BTN3A1: variants seen among roughly 807,000 people sequenced by gnomAD.
BTN3A1 encodes the protein dJ45P21.3 (butyrophilin, subfamily 3, member A1).
BTN3A1 carries 24 observed loss-of-function variants against 43.0 expected under a neutral mutation model. The ratio of observed to expected loss-of-function variants is 0.56; its 90% CI spans 0.40 to 0.78. BTN3A1 has a LOEUF of 0.78. Ranked by LOEUF, BTN3A1 falls within the 30% of genes least tolerant of loss-of-function variation. The pLI is 0.00. For synonymous variants in BTN3A1, 181 were observed against 234.7 expected (o/e 0.77, Z 2.09); for missense variants, 533 against 626.2 (o/e 0.85, Z 1.59).
intron 9 of BTN3A1, chr6:26,412,227 A>G: frequency 1.8e-6 from 1 of 570,832 alleles, no homozygotes; most frequent in Non-Finnish European, 3.2e-6. Context: ...CTCCACTCCT[A>G]CACTGGGACG....
rs1213974902 is a variant in BTN3A1 at position 26,413,359 on chromosome 6, C to T, written c.1209C>T (p.Asp403=). Residue 403 remains aspartate, a synonymous_variant, in exon 10 of 10, where the codon GAC becomes GAT. Transcript: ENST00000289361. Reference sequence around the variant, plus strand: ...ATTACTGGGAGGTGGAGGTAGGGGACAGGAAAGAGTGGCATATAGGGGTGT... The same window carrying T: ...ATTACTGGGAGGTGGAGGTAGGGGATAGGAAAGAGTGGCATATAGGGGTGT... ...GRHYWEVEVG[D]RKEWHIGVCS... 2 of 1,613,918 alleles carry T rather than the reference C, an allele frequency of 1.2e-6. No homozygotes were observed. The highest frequency in any genetic ancestry group is 1.1e-5 in the South Asian group (1 of 91,084).
At chr6:26,411,021 AAAG>A in intron 7 of BTN3A1, 85 bp from the exon 8 acceptor site, 13 of 1,146,082 alleles carry the variant, frequency 1.1e-5, no homozygotes, top group Non-Finnish European at 1.6e-5. Context: ...AAAAAAAAAA[AAAG>A]ATTAGATGGA....
intron 2 of BTN3A1, 73 bp downstream of exon 2, chr6:26,405,721 C>A (rs878958419): frequency 6.3e-7 from 1 of 1,589,656 alleles, no homozygotes; most frequent in African/African-American, 1.3e-5. Flanking sequence ...CTTTTGACTC[C>A]TTCCCAAACC....
At chr6:26,407,540 A>G in intron 3 of BTN3A1, 131 bp from the exon 4 acceptor site, 1 of 1,176,676 alleles carries the variant, frequency 8.5e-7, no homozygotes, top group Non-Finnish European at 1.2e-6. Flanking sequence ...CCTCACTAGG[A>G]CCACACTTTT....
rs184245591 is a variant in BTN3A1 at position 26,405,845 on chromosome 6, C to G, written c.86-64C>G. On this transcript the variant is annotated intron_variant, in intron 2 of 9. Transcript: ENST00000289361. The stretch of plus-strand genomic sequence containing the variant: ...TATCTCGCCTTCCCTGTCTGAGAAG[C>G]ACCCTTCCTCTCATGACCCCAACTC... 1.1e-3 allele frequency: 1,792 copies of G among 1,611,354 alleles called. 7 individuals carry two copies. Among genetic ancestry groups the G allele is most frequent in the East Asian group, 3.1e-3 (138 of 44,868 alleles).
Position 26,413,216 on chromosome 6 carries a change from T to G in BTN3A1, c.1066T>G (p.Ser356Ala). The change falls in exon 10 of 10, where the codon TCT (serine) becomes GCT (alanine). Residue 356 changes from serine to alanine, a missense_variant. This residue lies in a region of BTN3A1 where 415 missense variants were observed against 427.0 expected (regional missense o/e 0.97). Coordinates refer to ENST00000289361, the MANE Select transcript of BTN3A1 (RefSeq NM_007048.6). ...AACAGCAAACCCCATCCTCCTTGTT[T>G]CTGAGGACCAGAGGAGTGTGCAGCG... ...PKTANPILLVSEDQRSVQRAK... is the reference protein window; with the variant it reads ...PKTANPILLVAEDQRSVQRAK... The G allele has an allele frequency of 6.2e-7, 1 of 1,614,142 alleles. No individual in the cohort carries two copies. The highest frequency in any genetic ancestry group is 8.5e-7 in the Non-Finnish European group (1 of 1,180,014).
chr6:26,404,327 C>T (rs1274421824), intron 1 of BTN3A1: 1 of 152,104 alleles, frequency 6.6e-6, no homozygotes, highest in African/African-American at 2.4e-5. Flanking sequence ...TAAAGCATTC[C>T]AATATTTTAA....
chr6:26,411,213 T>C, intron 8 of BTN3A1, 78 bp downstream of exon 8: 1 of 1,514,460 alleles, frequency 6.6e-7, no homozygotes, highest in African/African-American at 1.4e-5. Context: ...CTGTGACCCA[T>C]TGATGTTCTC....
intron 3 of BTN3A1, among the ~76,000 whole-genome samples, chr6:26,406,803 T>C (rs1276291012): frequency 6.6e-6 from 1 of 152,198 alleles, no homozygotes; most frequent in African/African-American, 2.4e-5. Flanking sequence ...ACTTAGTATA[T>C]AATTTGGGCT....
Position 26,410,005 on chromosome 6 carries a change from G to C in BTN3A1, c.938-1G>C. On this transcript the variant is annotated splice_acceptor_variant, in intron 6 of 9. Transcript: ENST00000289361. LOFTEE classifies it high-confidence loss of function. Reference sequence around the variant, plus strand: ...ATCTTCCCCTGTTCCTTCCGTTGCAGGATGGAGAAGTATCCAGTATGCATC... The same window carrying C: ...ATCTTCCCCTGTTCCTTCCGTTGCACGATGGAGAAGTATCCAGTATGCATC... 6.2e-7 allele frequency: 1 copy of C among 1,614,152 alleles called. No homozygotes were observed. The highest frequency in any genetic ancestry group is 8.5e-7 in the Non-Finnish European group (1 of 1,180,038).
chr6:26,411,606 T>C, intron 9 of BTN3A1, 25 bp downstream of exon 9: 1 of 1,609,120 alleles, frequency 6.2e-7, no homozygotes, highest in Non-Finnish European at 8.5e-7. Flanking sequence ...GTGTGTTCCC[T>C]GGACCAACAA....
chr6:26,405,721 C>T lies in BTN3A1; in HGVS notation c.85+73C>T, dbSNP rs878958419. On this transcript the variant is annotated intron_variant, in intron 2 of 9. Transcript: ENST00000289361. ...TATGTCCTCATAGGACTTTTGACTCCTTCCCAAACCTGAAGTCCATCCCGA... is the reference window on the plus strand; with the variant it reads ...TATGTCCTCATAGGACTTTTGACTCTTTCCCAAACCTGAAGTCCATCCCGA... 21 of 1,589,656 alleles carry T rather than the reference C, an allele frequency of 1.3e-5. 1 individual carries two copies. The South Asian group carries it at 2.1e-4, about 16-fold the overall frequency.
intron 4 of BTN3A1, among the ~76,000 whole-genome samples, chr6:26,409,128 A>G (rs1028019496): frequency 3.5e-5 from 5 of 142,574 alleles, no homozygotes; most frequent in African/African-American, 1.3e-4. Context: ...GTTCTTAAGC[A>G]TCATATTAAG....
At position 26,413,652 on chromosome 6, in the gene BTN3A1, T is replaced by C. The variant is rs779371964; in HGVS notation, c.1502T>C (p.Leu501Ser). 6.2e-7 allele frequency: 1 copy of C among 1,613,776 alleles called. No individual in the cohort carries two copies. The highest frequency in any genetic ancestry group is 1.3e-5 in the African/African-American group (1 of 74,874). Residue 501 changes from leucine to serine, a missense_variant, in exon 10 of 10, where the codon TTG (leucine) becomes TCG (serine). Physicochemically the swap from Leu to Ser is moderately radical, Grantham distance 145. Coordinates refer to ENST00000289361, the MANE Select transcript of BTN3A1 (RefSeq NM_007048.6). Reference protein sequence around the residue: ...SEALYPVFRILTLEPTALTIC... With the variant: ...SEALYPVFRISTLEPTALTIC... Reference sequence around the variant, plus strand: ...GCTCTATATCCTGTTTTCAGAATTTTGACCTTGGAGCCCACGGCCCTGACT... The same window carrying C: ...GCTCTATATCCTGTTTTCAGAATTTCGACCTTGGAGCCCACGGCCCTGACT...
chr6:26,408,761 A>T (rs1046589920), intron 4 of BTN3A1, among the ~76,000 whole-genome samples: 44 of 152,248 alleles, frequency 2.9e-4, no homozygotes, highest in African/African-American at 6.5e-4. Context: ...CATGCAATGG[A>T]TACCACTCAA....
rs1001601096 is a variant in BTN3A1, at chr6:26,405,504, C to T, written c.-60C>T. On this transcript the variant is annotated 5_prime_UTR_variant, in exon 2 of 10. Coordinates refer to ENST00000289361, the MANE Select transcript of BTN3A1 (RefSeq NM_007048.6). ...GAGGTTTCCATTTGGAATTCTATAG[C>T]TTCTTCCAGGTCATAGTGTCTGCCC... 7 of 1,495,990 alleles carry T rather than the reference C, an allele frequency of 4.7e-6. No individual in the cohort carries two copies. Among genetic ancestry groups the T allele is most frequent in the African/African-American group, 4.1e-5 (3 of 72,400 alleles). The allele number at this position is 1,495,990 out of a possible 1,614,324, so 92.7% of individuals were successfully genotyped here.
intron 1 of BTN3A1, among the ~76,000 whole-genome samples, chr6:26,403,475 A>G (rs3902051): frequency 0.13 from 20,321 of 151,968 alleles, 1,425 homozygotes; most frequent in South Asian, 0.17. Context: ...TTTTTGTCTT[A>G]GTTCCTGATT....
chr6:26,405,100 G>C (rs1318821964), intron 1 of BTN3A1, among the ~76,000 whole-genome samples: 1 of 152,202 alleles, frequency 6.6e-6, no homozygotes, highest in Non-Finnish European at 1.5e-5. Flanking sequence ...AATCCTACCA[G>C]GAGTCCACTA....
In BTN3A1 at chr6:26,413,830, G is replaced by T. The variant is rs1477109523; in HGVS notation, c.*138G>T. The T allele has an allele frequency of 6.4e-7, 1 of 1,550,510 alleles. No homozygotes were observed. The highest frequency in any genetic ancestry group is 2.3e-5 in the East Asian group (1 of 44,380). On this transcript the variant is annotated 3_prime_UTR_variant, in exon 10 of 10. Coordinates refer to ENST00000289361, the MANE Select transcript of BTN3A1 (RefSeq NM_007048.6). Reference sequence around the variant, plus strand: ...TCTCTGCTTCTCCCTGCCCAGCTCAGAGCTGAGGGCCTCCCCCTCCACAGC... The same window carrying T: ...TCTCTGCTTCTCCCTGCCCAGCTCATAGCTGAGGGCCTCCCCCTCCACAGC...
Sources: allele counts gnomAD v4.1 joint callset (sites outside exome capture counted in the v4.1 genomes callset), GRCh38; gene constraint gnomAD v4.1.1; regional missense constraint gnomAD v4.1.1; transcripts MANE v1.5; gene names NCBI Gene and HGNC (gene_info 2026-07-23, HGNC 2026-07-21).